The following CHGA variants were observed in gnomAD, a reference collection of about 807,000 sequenced individuals.
CHGA encodes chromogranin-A.
Under a neutral mutation model 54.4 loss-of-function variants are expected in CHGA, and 41 were observed. The observed-to-expected ratio is 0.75, with a 90% CI of 0.59 to 0.98. CHGA has a LOEUF of 0.98. CHGA is among the 50% of genes least tolerant of loss of function. The pLI is 0.00. For synonymous variants in CHGA, 249 were observed against 232.8 expected, an observed-to-expected ratio of 1.07 and a Z score of -0.63; for missense variants, 576 against 582.3, an observed-to-expected ratio of 0.99 and a Z score of 0.11.
Position 92,931,425 on chromosome 14 carries a change from G to A in CHGA, c.531G>A (p.Glu177=). 6.2e-7 allele frequency: 1 copy of A among 1,609,802 alleles called. No homozygotes were observed. Among genetic ancestry groups the A allele is most frequent in the Non-Finnish European group, 8.5e-7 (1 of 1,178,550 alleles). ...NQAPGEEEEE[E]EEATNTHPPA... is the part of the protein sequence containing the mutation. Reference sequence around the variant, plus strand: ...CCCCTGGGGAGGAAGAGGAGGAGGAGGAGGAGGCCACCAACACCCACCCTC... The same window carrying A: ...CCCCTGGGGAGGAAGAGGAGGAGGAAGAGGAGGCCACCAACACCCACCCTC... Residue 177 remains glutamate, a synonymous_variant, in exon 6 of 8, where the codon GAG becomes GAA. Transcript: ENST00000216492.
In CHGA at chr14:92,932,796, G is replaced by C; in HGVS notation, c.1235G>C (p.Arg412Pro). The change falls in exon 7 of 8, where the codon CGA (arginine) becomes CCA (proline). Residue 412 changes from arginine to proline, a missense_variant. Arg to Pro is a moderately radical substitution (Grantham distance 103, BLOSUM62 -2). Transcript: ENST00000216492. The surrounding 1 kb of genome is among the most constrained non-coding windows in gnomAD (Gnocchi z 5.3). ...GAGGCGGGCCTGCCCCTCCAGGTCC[G>C]AGGCTACCCCGAGGAGAAGAAAGAG... ...SLEAGLPLQVRGYPEEKKEEE... is the reference protein window; with the variant it reads ...SLEAGLPLQVPGYPEEKKEEE... 1 of 1,568,954 alleles carries C rather than the reference G, an allele frequency of 6.4e-7. No homozygotes were observed. The highest frequency in any genetic ancestry group is 8.6e-7 in the Non-Finnish European group (1 of 1,156,664).
intron 3 of CHGA, 47 bp downstream of exon 3, chr14:92,926,745 G>A: frequency 6.6e-7 from 1 of 1,515,092 alleles, no homozygotes; most frequent in Non-Finnish European, 9.2e-7. Flanking sequence ...GCTGGGCTGG[G>A]AGGCTAGGAC....
intron 2 of CHGA, chr14:92,926,192 C>T (rs1222462422): frequency 5.0e-6 from 1 of 201,196 alleles, no homozygotes; most frequent in African/African-American, 2.3e-5. Flanking sequence ...AGAAGGACTT[C>T]CTGGAGGACC....
chr14:92,934,790 G>A lies in CHGA; in HGVS notation c.1291-11G>A. 1 of 1,572,088 alleles carries A rather than the reference G, an allele frequency of 6.4e-7. No homozygotes were observed. Reference sequence around the variant, plus strand: ...CAGGCTGGCCCGAGTGAACCCCAATGTCTCTCCTAGGACCAGGAGCTGGAG... The same window carrying A: ...CAGGCTGGCCCGAGTGAACCCCAATATCTCTCCTAGGACCAGGAGCTGGAG... On this transcript the variant is annotated splice_polypyrimidine_tract_variant and intron_variant, in intron 7 of 7. Transcript: ENST00000216492.
rs1566675895 is a variant in CHGA, at chr14:92,932,929, T to G, written c.1290+78T>G. On this transcript the variant is annotated intron_variant, in intron 7 of 7. Coordinates refer to ENST00000216492, the MANE Select transcript of CHGA (RefSeq NM_001275.4). The surrounding 1 kb of genome is among the most constrained non-coding windows in gnomAD (Gnocchi z 5.3). ...CAGCCGCACCCAGACACACTGCCCC[T>G]GCCCCACTGAGGGGACAGGGCCCCC... 3 of 1,440,328 alleles carry G rather than the reference T, an allele frequency of 2.1e-6. No homozygotes were observed. Among genetic ancestry groups the G allele is most frequent in the Admixed American group, 5.7e-5 (2 of 34,838 alleles). 89.2% of individuals were successfully genotyped at this position (1,440,328 alleles called of 1,614,324 possible). A position where few individuals can be genotyped will look rare whatever the true frequency, so the allele number is the denominator to read the frequency against.
chr14:92,931,192 G>C, intron 5 of CHGA, 58 bp from the exon 6 acceptor site: 1 of 1,504,006 alleles, frequency 6.6e-7, no homozygotes, highest in African/African-American at 1.4e-5. Flanking sequence ...TAGCCTGTGG[G>C]GAGGCCCCAC....
chr14:92,933,197 C>G (rs1401845314), intron 7 of CHGA: 5 of 209,338 alleles, frequency 2.4e-5, no homozygotes, highest in African/African-American at 9.2e-5. Flanking sequence ...CAGGCACAGC[C>G]TCCTCCCAGG....
In CHGA at chr14:92,927,342, G is replaced by C. The variant is rs371870676; in HGVS notation, c.188-208G>C. ...CTAAGGTCTGGCTGCTGGGGCAGTG[G>C]CTGACTTCTCTGATGTAGTAGGAAA... On this transcript the variant is annotated intron_variant, in intron 3 of 7. Coordinates refer to ENST00000216492, the MANE Select transcript of CHGA (RefSeq NM_001275.4). Among the ~76,000 whole-genome samples the C allele has an allele frequency of 3.9e-4, 60 of 152,340 alleles. 1 individual carries two copies. Among genetic ancestry groups the C allele is most frequent in the Middle Eastern group, 6.8e-3 (2 of 294 alleles).
At position 92,931,659 on chromosome 14, in the gene CHGA, C is replaced by A; in HGVS notation, c.765C>A (p.Asn255Lys). Residue 255 changes from asparagine to lysine, a missense_variant, in exon 6 of 8, where the codon AAC becomes AAA. By Grantham distance (94) the Asn-to-Lys change is moderately conservative. Transcript: ENST00000216492. ...PEEEGPTVVL[N>K]PHPSLGYKEI... ...AAGAAGGCCCCACTGTAGTGCTGAACCCCCACCCGAGCCTTGGCTACAAGG... is the reference window on the plus strand; with the variant it reads ...AAGAAGGCCCCACTGTAGTGCTGAAACCCCACCCGAGCCTTGGCTACAAGG... The A allele has an allele frequency of 1.9e-6, 3 of 1,597,698 alleles. No homozygotes were observed. The highest frequency in any genetic ancestry group is 2.6e-6 in the Non-Finnish European group (3 of 1,169,072).
upstream of CHGA, chr14:92,923,040 G>A (rs1403661463): frequency 4.2e-6 from 1 of 240,142 alleles, no homozygotes. Flanking sequence ...TAGAGGTGGG[G>A]GCGAGCGGGG....
chr14:92,923,789 TC>T (rs933175266), intron 1 of CHGA, among the ~76,000 whole-genome samples: 1 of 152,102 alleles, frequency 6.6e-6, no homozygotes, highest in African/African-American at 2.4e-5. Flanking sequence ...TCCCCGCCTT[TC>T]TGCCCTTGAC....
At chr14:92,929,299 C>T (rs1419948402) in intron 4 of CHGA, among the ~76,000 whole-genome samples, 1 of 143,058 alleles carries the variant, frequency 7.0e-6, no homozygotes, top group Non-Finnish European at 1.5e-5. Context: ...GAGCTACCAG[C>T]CAGGTCCTGA....
chr14:92,931,035 C>T (rs1193169400), intron 5 of CHGA, among the ~76,000 whole-genome samples: 1 of 152,210 alleles, frequency 6.6e-6, no homozygotes, highest in African/African-American at 2.4e-5. Flanking sequence ...TGAATAATAA[C>T]CTGTTTTAAA....
intron 2 of CHGA, among the ~76,000 whole-genome samples, chr14:92,925,362 G>A (rs1163771646): frequency 1.3e-5 from 2 of 152,164 alleles, no homozygotes; most frequent in Non-Finnish European, 2.9e-5. Context: ...TGCAAGGTCC[G>A]GGGTTGCAGG....
intron 4 of CHGA, among the ~76,000 whole-genome samples, chr14:92,928,751 T>C (rs1049013067): frequency 3.9e-5 from 6 of 152,200 alleles, no homozygotes; most frequent in Non-Finnish European, 8.8e-5. Flanking sequence ...ATAAGCAGTA[T>C]CCAATATATG....
Position 92,924,257 on chromosome 14 carries a change from T to C in CHGA, c.93+12T>C. ...AAGGGGATACCGAGGTAAGAAGGGG[T>C]GCTGGGGATGAGGGGTAGGAGGCTC... On this transcript the variant is annotated intron_variant, in intron 2 of 7. Coordinates refer to ENST00000216492, the MANE Select transcript of CHGA (RefSeq NM_001275.4). 1 of 1,610,492 alleles carries C rather than the reference T, an allele frequency of 6.2e-7. No individual in the cohort carries two copies. Among genetic ancestry groups the C allele is most frequent in the Non-Finnish European group, 8.5e-7 (1 of 1,178,958 alleles).
intron 3 of CHGA, among the ~76,000 whole-genome samples, chr14:92,927,253 TG>T: frequency 6.6e-6 from 1 of 152,286 alleles, no homozygotes; most frequent in Non-Finnish European, 1.5e-5. Flanking sequence ...AACACAGGCA[TG>T]GAGATGGGAA....
intron 5 of CHGA, among the ~76,000 whole-genome samples, chr14:92,930,904 T>C (rs533616773): frequency 6.6e-6 from 1 of 152,362 alleles, no homozygotes; most frequent in African/African-American, 2.4e-5. Context: ...GTTGCAGTCA[T>C]GGTGCCTCTT....
At chr14:92,928,579 T>C (rs186581092) in intron 4 of CHGA, among the ~76,000 whole-genome samples, 59 of 152,346 alleles carry the variant, frequency 3.9e-4, no homozygotes, top group Admixed American at 3.5e-3. Flanking sequence ...TTGTTTTGTT[T>C]TTAACTAAGC....
Sources: allele counts gnomAD v4.1 joint callset (sites outside exome capture counted in the v4.1 genomes callset), GRCh38; gene constraint gnomAD v4.1.1; non-coding constraint Gnocchi (gnomAD v3.1); transcripts MANE v1.5; gene names NCBI Gene and HGNC (gene_info 2026-07-23, HGNC 2026-07-21).